Variants in CSRNP3 observed in about 807,000 individuals in gnomAD.
The protein encoded by CSRNP3 is cysteine and serine rich nuclear protein 3, also known as cysteine/serine-rich nuclear protein 3.
A neutral mutation model predicts 48.0 loss-of-function variants in CSRNP3; 12 were observed. That is an observed-to-expected ratio of 0.25 (90% CI 0.16 to 0.41). The LOEUF is 0.41. Ranked by LOEUF, CSRNP3 falls within the 10% of genes least tolerant of loss-of-function variation. The pLI, the probability that CSRNP3 is intolerant of heterozygous loss-of-function variation, is 1.00. For missense variants in CSRNP3, 580 were observed against 724.4 expected, an observed-to-expected ratio of 0.80 and a Z score of 2.29; for synonymous variants, 263 against 269.7, an observed-to-expected ratio of 0.98 and a Z score of 0.24.
At position 165,683,668 on chromosome 2, in the gene CSRNP3, A is replaced by G. The variant is rs1444113742; in HGVS notation, c.*3915A>G. 1 of 152,104 alleles carries G rather than the reference A, an allele frequency of 6.6e-6. No homozygotes were observed. Among genetic ancestry groups the G allele is most frequent in the Non-Finnish European group, 1.5e-5 (1 of 67,984 alleles). The allele number at this position is 152,104 out of a possible 1,614,324, so 9.4% of individuals were successfully genotyped here. On this transcript the variant is annotated 3_prime_UTR_variant, in exon 7 of 7. Transcript: ENST00000651982. ...CTTTCAACAAATATGTACTGAACAC[A>G]TGCTGTGTTAGAACAACTGTCTTGG...
At chr2:165,590,335 A>G (rs192128761) in intron 3 of CSRNP3, among the ~76,000 whole-genome samples, 2 of 152,334 alleles carry the variant, frequency 1.3e-5, no homozygotes, top group East Asian at 3.9e-4. Context: ...TGAATTTGGG[A>G]GTATTCTTAA....
intron 3 of CSRNP3, among the ~76,000 whole-genome samples, chr2:165,567,477 A>G (rs975055492): frequency 1.7e-4 from 26 of 152,120 alleles, no homozygotes; most frequent in African/African-American, 6.3e-4. Flanking sequence ...CAGCAATTAT[A>G]GAGCTATCCC....
intron 4 of CSRNP3, among the ~76,000 whole-genome samples, chr2:165,619,391 T>C (rs554038615): frequency 6.6e-6 from 1 of 152,272 alleles, no homozygotes; most frequent in Non-Finnish European, 1.5e-5. Context: ...TTGACTCTTT[T>C]TGCTACCAGA....
At chr2:165,639,257 A>G (rs1686686487) in intron 4 of CSRNP3, among the ~76,000 whole-genome samples, 1 of 152,202 alleles carries the variant, frequency 6.6e-6, no homozygotes, top group African/African-American at 2.4e-5. Context: ...TAAGCACCAT[A>G]TGAAGGACAT....
chr2:165,628,725 CA>C (rs1052394157), intron 4 of CSRNP3, among the ~76,000 whole-genome samples: 18 of 151,312 alleles, frequency 1.2e-4, no homozygotes, highest in Non-Finnish European at 1.8e-4. Context: ...ACTCTGTCTC[CA>C]AAAAAAATAA....
At chr2:165,542,460 G>T (rs764059027) in intron 3 of CSRNP3, among the ~76,000 whole-genome samples, 8 of 151,848 alleles carry the variant, frequency 5.3e-5, no homozygotes, top group Non-Finnish European at 1.2e-4. Context: ...TAAACAAAAG[G>T]GCTCCAACAA....
chr2:165,655,962 G>A (rs918765069), intron 4 of CSRNP3, among the ~76,000 whole-genome samples: 6 of 152,290 alleles, frequency 3.9e-5, no homozygotes, highest in Admixed American at 1.3e-4. Context: ...ACTACATTCC[G>A]AGGTACTCGG....
chr2:165,651,342 G>C (rs1470112572), intron 4 of CSRNP3, among the ~76,000 whole-genome samples: 3 of 152,184 alleles, frequency 2.0e-5, no homozygotes, highest in African/African-American at 4.8e-5. Context: ...AGATTGATTT[G>C]TGAGTGTGGA....
chr2:165,642,091 TACACACACACAAAC>T (rs1558959506), intron 4 of CSRNP3, among the ~76,000 whole-genome samples: 2 of 131,298 alleles, frequency 1.5e-5, no homozygotes, highest in African/African-American at 6.2e-5. Context: ...TACCTGAGAA[TACACACACACAAAC>T]ACACACACAC....
At chr2:165,576,917 GA>G (rs909758438) in intron 3 of CSRNP3, among the ~76,000 whole-genome samples, 1 of 151,946 alleles carries the variant, frequency 6.6e-6, no homozygotes, top group African/African-American at 2.4e-5. Context: ...TTTCAAAAAT[GA>G]ATTTCCTGCT....
chr2:165,512,865 G>A (rs943612645), intron 2 of CSRNP3, among the ~76,000 whole-genome samples: 7 of 152,236 alleles, frequency 4.6e-5, no homozygotes, highest in African/African-American at 1.2e-4. Flanking sequence ...TGCCCTTTGG[G>A]AGGCCAAGGA....
intron 4 of CSRNP3, among the ~76,000 whole-genome samples, chr2:165,606,366 C>CAAAAAAAAA (rs1229143916): frequency 7.9e-5 from 5 of 63,080 alleles, no homozygotes; most frequent in Admixed American, 3.7e-4. Flanking sequence ...GCTAATGCAG[C>CAAAAAAAAA]AAAAAAAAAA....
intron 3 of CSRNP3, chr2:165,574,509 G>A: frequency 3.2e-6 from 3 of 943,872 alleles, no homozygotes; most frequent in Non-Finnish European, 4.7e-6. Context: ...TTAATTCATC[G>A]TGGCAATTGG....
chr2:165,569,295 T>C (rs970917839), intron 3 of CSRNP3, among the ~76,000 whole-genome samples: 1 of 152,092 alleles, frequency 6.6e-6, no homozygotes, highest in African/African-American at 2.4e-5. Context: ...TACATACCAG[T>C]TAATATGGTT....
chr2:165,619,483 T>C (rs1429979905), intron 4 of CSRNP3, among the ~76,000 whole-genome samples: 2 of 152,164 alleles, frequency 1.3e-5, no homozygotes, highest in African/African-American at 2.4e-5. Context: ...ATGAATTTTT[T>C]CATGCCCTAT....
In CSRNP3 at chr2:165,681,760, T is replaced by TATATATATATATAC. The variant is rs1291170889; in HGVS notation, c.*2008_*2009insTATATATATATACA. 9.4e-4 allele frequency: 42 copies of TATATATATATATAC among 44,714 alleles called. No individual in the cohort carries two copies. Among genetic ancestry groups the TATATATATATATAC allele is most frequent in the African/African-American group, 2.3e-3 (37 of 16,424 alleles). The allele number at this position is 44,714 out of a possible 1,614,324, so 2.8% of individuals were successfully genotyped here. On this transcript the variant is annotated 3_prime_UTR_variant, in exon 7 of 7. Transcript: ENST00000651982. ...ATATATATATATATATATATATATA[T>TATATATATATATAC]ACACACACACACACACATACACATA...
At chr2:165,517,804 C>G (rs1349470006) in intron 2 of CSRNP3, 69 bp from the exon 3 acceptor site, 1 of 152,214 alleles carries the variant, frequency 6.6e-6, no homozygotes, top group Non-Finnish European at 1.5e-5. Context: ...GATGTTGGCA[C>G]CTTTAGTAAG....
intron 3 of CSRNP3, among the ~76,000 whole-genome samples, chr2:165,531,390 T>A (rs1003287081): frequency 2.0e-5 from 3 of 152,186 alleles, no homozygotes; most frequent in African/African-American, 7.2e-5. Flanking sequence ...AATTGTTATT[T>A]CCTTTGTGTT....
chr2:165,495,173 A>C (rs1241029473), intron 2 of CSRNP3, among the ~76,000 whole-genome samples: 1 of 152,038 alleles, frequency 6.6e-6, no homozygotes, highest in Non-Finnish European at 1.5e-5. Flanking sequence ...CAGCAACTGG[A>C]AATAATTTAA....
Sources: allele counts gnomAD v4.1 joint callset (sites outside exome capture counted in the v4.1 genomes callset), GRCh38; gene constraint gnomAD v4.1.1; transcripts MANE v1.5; gene names NCBI Gene and HGNC (gene_info 2026-07-23, HGNC 2026-07-21).